Variants in EYA4 observed in about 807,000 individuals in gnomAD.
The protein encoded by EYA4 is protein phosphatase EYA4.
A neutral mutation model predicts 87.9 loss-of-function variants in EYA4; 31 were observed. The observed-to-expected ratio is 0.35, with a 90% CI of 0.27 to 0.48. The LOEUF is 0.48. Among genes scored for constraint, EYA4 ranks in the 20% least tolerant of loss-of-function variants. The pLI is 0.99. For missense variants in EYA4, 678 were observed against 761.4 expected (o/e 0.89, Z 1.29); for synonymous variants, 263 against 270.6 (o/e 0.97, Z 0.28).
At position 133,477,228 on chromosome 6, in the gene EYA4, C is replaced by T. The variant is rs544469301; in HGVS notation, c.971-4235C>T. 1.3e-3 allele frequency among the ~76,000 whole-genome samples: 202 copies of T among 152,116 alleles called. 3 individuals are homozygous for T. In the South Asian group the frequency reaches 0.039, roughly 30 times the overall value. ...ACTAAATGGCTGTGCTAATTTACAC[C>T]CCCACCAGCAGTGTGCAAGATTTCT... On this transcript the variant is annotated intron_variant, in intron 11 of 19. Transcript: ENST00000355286.
chr6:133,388,120 A>C (rs945680362), intron 3 of EYA4, among the ~76,000 whole-genome samples: 2 of 152,118 alleles, frequency 1.3e-5, no homozygotes, highest in African/African-American at 4.8e-5. Flanking sequence ...TTTAAAAAAC[A>C]GTCTCGGCCG....
chr6:133,361,728 G>A (rs1294827358), intron 2 of EYA4, among the ~76,000 whole-genome samples: 7 of 152,208 alleles, frequency 4.6e-5, no homozygotes, highest in Non-Finnish European at 1.0e-4. Flanking sequence ...TGAACATGTT[G>A]ATCAACTTGT....
At chr6:133,305,772 G>A (rs1408295245) in intron 2 of EYA4, among the ~76,000 whole-genome samples, 1 of 152,066 alleles carries the variant, frequency 6.6e-6, no homozygotes, top group Non-Finnish European at 1.5e-5. Context: ...GGAAGTTGAA[G>A]GTATTCAGGA....
At chr6:133,247,058 G>T (rs1388339350) in intron 1 of EYA4, 1 of 152,068 alleles carries the variant, frequency 6.6e-6, no homozygotes, top group African/African-American at 2.4e-5. Flanking sequence ...CTAGATATTA[G>T]AAAAATTTGT....
At chr6:133,299,381 C>T (rs1476125683) in intron 2 of EYA4, among the ~76,000 whole-genome samples, 4 of 151,962 alleles carry the variant, frequency 2.6e-5, no homozygotes, top group South Asian at 2.1e-4. Flanking sequence ...TCTTATGTGC[C>T]GGAAACCCAA....
intron 13 of EYA4, among the ~76,000 whole-genome samples, chr6:133,493,696 A>G (rs1289362091): frequency 6.6e-6 from 1 of 152,204 alleles, no homozygotes; most frequent in Non-Finnish European, 1.5e-5. Flanking sequence ...ACTATCCATT[A>G]TACAAGGGAT....
At chr6:133,478,537 A>C (rs1795938409) in intron 11 of EYA4, among the ~76,000 whole-genome samples, 1 of 152,188 alleles carries the variant, frequency 6.6e-6, no homozygotes, top group African/African-American at 2.4e-5. Flanking sequence ...CACAGCAGTG[A>C]ATGAAGCCAA....
intron 1 of EYA4, among the ~76,000 whole-genome samples, chr6:133,268,289 G>A (rs1278984796): frequency 6.6e-6 from 1 of 151,936 alleles, no homozygotes; most frequent in Non-Finnish European, 1.5e-5. Flanking sequence ...TTTTACTTTT[G>A]GGGCTGTTTT....
chr6:133,482,107 C>A (rs562291672), intron 12 of EYA4, among the ~76,000 whole-genome samples: 1 of 152,206 alleles, frequency 6.6e-6, no homozygotes, highest in African/African-American at 2.4e-5. Flanking sequence ...TTTATGAGTT[C>A]TTTTGAGATA....
At chr6:133,469,127 A>G (rs180690232) in intron 11 of EYA4, among the ~76,000 whole-genome samples, 2 of 152,104 alleles carry the variant, frequency 1.3e-5, no homozygotes, top group East Asian at 1.9e-4. Context: ...AACATTTCCT[A>G]CATTCCTGGG....
intron 3 of EYA4, among the ~76,000 whole-genome samples, chr6:133,429,988 C>T (rs1311201396): frequency 6.8e-6 from 1 of 147,790 alleles, no homozygotes; most frequent in Non-Finnish European, 1.5e-5. Flanking sequence ...AACACAGCAC[C>T]CAACAGTTAG....
At chr6:133,270,577 TCTTCTA>T (rs1776608172) in intron 1 of EYA4, among the ~76,000 whole-genome samples, 1 of 152,120 alleles carries the variant, frequency 6.6e-6, no homozygotes, top group Non-Finnish European at 1.5e-5. Context: ...ATGACTAACT[TCTTCTA>T]CTACCCATTC....
intron 1 of EYA4, among the ~76,000 whole-genome samples, chr6:133,249,911 T>C (rs749658962): frequency 5.9e-5 from 9 of 152,238 alleles, no homozygotes; most frequent in Non-Finnish European, 8.8e-5. Flanking sequence ...GAGAATTTAC[T>C]GGAAGGATTA....
intron 19 of EYA4, chr6:133,526,019 TAATAAGCCTTTTC>T: frequency 9.9e-6 from 5 of 507,258 alleles, no homozygotes; most frequent in Non-Finnish European, 1.3e-5. Context: ...CTAAGTATTT[TAATAAGCCTTTTC>T]ATCTGGCCCG....
At chr6:133,493,526 T>C (rs942202435) in intron 13 of EYA4, among the ~76,000 whole-genome samples, 12 of 152,124 alleles carry the variant, frequency 7.9e-5, no homozygotes, top group Non-Finnish European at 1.5e-4. Context: ...CTCCAGGACA[T>C]TGGACTAGGG....
chr6:133,358,754 G>A (rs1305381401), intron 2 of EYA4, among the ~76,000 whole-genome samples: 1 of 152,188 alleles, frequency 6.6e-6, no homozygotes, highest in Non-Finnish European at 1.5e-5. Context: ...GACATACAGA[G>A]TGTATGAACT....
intron 1 of EYA4, among the ~76,000 whole-genome samples, chr6:133,243,485 C>A (rs1156783823): frequency 6.6e-6 from 1 of 152,050 alleles, no homozygotes; most frequent in African/African-American, 2.4e-5. Flanking sequence ...ACCGCGGGCT[C>A]CCCATCAGCA....
At chr6:133,409,767 T>TGG (rs1460074723) in intron 3 of EYA4, among the ~76,000 whole-genome samples, 1 of 152,176 alleles carries the variant, frequency 6.6e-6, no homozygotes, top group Non-Finnish European at 1.5e-5. Context: ...TCTAAAGCAC[T>TGG]GGTGTGAAGA....
intron 1 of EYA4, 129 bp from the exon 2 acceptor site, chr6:133,274,587 G>A (rs1191043166): frequency 3.3e-6 from 2 of 602,036 alleles, no homozygotes; most frequent in East Asian, 5.5e-5. Flanking sequence ...AATATTAGTG[G>A]ATTTTCTTCT....
Sources: allele counts gnomAD v4.1 joint callset (sites outside exome capture counted in the v4.1 genomes callset), GRCh38; gene constraint gnomAD v4.1.1; transcripts MANE v1.5; gene names NCBI Gene and HGNC (gene_info 2026-07-23, HGNC 2026-07-21).